The following TTK variants were observed in gnomAD, a reference collection of about 807,000 sequenced individuals.
TTK encodes the protein dual specificity protein kinase TTK.
In TTK, 59 loss-of-function variants were observed where a neutral mutation model predicts 117.3. The observed-to-expected ratio is 0.50, with a 90% CI of 0.41 to 0.62. The LOEUF is 0.62. Among genes scored for constraint, TTK ranks in the 20% least tolerant of loss-of-function variants. TTK has a pLI of 0.00. For synonymous variants in TTK, 302 were observed against 325.0 expected, an observed-to-expected ratio of 0.93 and a Z score of 0.76; for missense variants, 921 against 989.4, an observed-to-expected ratio of 0.93 and a Z score of 0.93.
chr6:80,022,567 G>A, intron 11 of TTK, 95 bp downstream of exon 11: 2 of 1,296,802 alleles, frequency 1.5e-6, no homozygotes, highest in South Asian at 1.5e-5. Flanking sequence ...TATTAAATGT[G>A]TATGATATTT....
In TTK at chr6:80,004,667, G is replaced by GA. The variant is rs577473386; in HGVS notation, c.-49_-48insA. 88 of 152,394 alleles carry GA rather than the reference G, an allele frequency of 5.8e-4. No individual in the cohort carries two copies. Among genetic ancestry groups the GA allele is most frequent in the African/African-American group, 2.0e-3 (83 of 41,600 alleles). 9.4% of individuals were successfully genotyped at this position (152,394 alleles called of 1,614,324 possible). A position where few individuals can be genotyped will look rare whatever the true frequency, so the allele number is the denominator to read the frequency against. ...GGAAATTCAAACGTGTTTGCGGAAAGGAGTTTGGGTTCCATCTTTTCATTT... is the reference window on the plus strand; with the variant it reads ...GGAAATTCAAACGTGTTTGCGGAAAGAGAGTTTGGGTTCCATCTTTTCATTT... On this transcript the variant is annotated 5_prime_UTR_variant, in exon 1 of 22. Coordinates refer to ENST00000369798, the MANE Select transcript of TTK (RefSeq NM_003318.5).
At chr6:80,019,899 A>G (rs1333642978) in intron 10 of TTK, among the ~76,000 whole-genome samples, 2 of 152,202 alleles carry the variant, frequency 1.3e-5, no homozygotes, top group Non-Finnish European at 2.9e-5. Flanking sequence ...GATAATTCTA[A>G]AGACATTTTA....
intron 10 of TTK, among the ~76,000 whole-genome samples, chr6:80,018,516 C>T (rs982938281): frequency 1.3e-5 from 2 of 150,056 alleles, no homozygotes; most frequent in East Asian, 2.0e-4. Flanking sequence ...CCCAGCTAAT[C>T]GGGAAGCTGA....
chr6:80,015,561 A>AC (rs1343518373), intron 10 of TTK, among the ~76,000 whole-genome samples: 1 of 152,154 alleles, frequency 6.6e-6, no homozygotes, highest in Non-Finnish European at 1.5e-5. Flanking sequence ...TCCCAGGCAA[A>AC]CGGGGACACA....
chr6:80,008,169 A>G, intron 3 of TTK, 138 bp downstream of exon 3: 3 of 1,118,930 alleles, frequency 2.7e-6, no homozygotes, highest in Non-Finnish European at 3.7e-6. Flanking sequence ...TATAGTTAAC[A>G]AGAGACTAAT....
intron 14 of TTK, among the ~76,000 whole-genome samples, chr6:80,032,134 A>C (rs1423589989): frequency 6.6e-6 from 1 of 152,202 alleles, no homozygotes; most frequent in Admixed American, 6.5e-5. Context: ...TACTTCCATT[A>C]GATTTTTGCC....
chr6:80,015,555 A>G (rs1023923838), intron 10 of TTK, among the ~76,000 whole-genome samples: 6 of 152,178 alleles, frequency 3.9e-5, no homozygotes, highest in Non-Finnish European at 5.9e-5. Context: ...CCTCAGTCCC[A>G]GGCAAACGGG....
intron 8 of TTK, among the ~76,000 whole-genome samples, chr6:80,012,262 C>T (rs1245721426): frequency 6.6e-6 from 1 of 151,986 alleles, no homozygotes; most frequent in Non-Finnish European, 1.5e-5. Flanking sequence ...TTGTCACTTA[C>T]GGGTAGGCTG....
intron 10 of TTK, among the ~76,000 whole-genome samples, chr6:80,017,653 G>A (rs572924379): frequency 6.6e-6 from 1 of 152,078 alleles, no homozygotes; most frequent in African/African-American, 2.4e-5. Flanking sequence ...GAAAATTCAC[G>A]ACTATTTTGG....
Position 80,011,923 on chromosome 6 carries a change from A to G in TTK, c.839A>G (p.Asn280Ser), listed in dbSNP as rs1361340211. The G allele has an allele frequency of 1.2e-6, 2 of 1,612,610 alleles. No homozygotes were observed. Among genetic ancestry groups the G allele is most frequent in the Non-Finnish European group, 1.7e-6 (2 of 1,179,142 alleles). ...GGAAGAGTCCCAGTTAACCTTCTAA[A>G]TAGCCCAGATTGTGATGTGAAGACA... ...PFGRVPVNLL[N>S]SPDCDVKTDD... The change falls in exon 8 of 22, where the codon AAT becomes AGT. Residue 280 changes from asparagine (N) to serine (S), a missense_variant. By Grantham distance (46) the Asn-to-Ser change is conservative. Coordinates refer to ENST00000369798, the MANE Select transcript of TTK (RefSeq NM_003318.5).
rs1036094009 is a variant in TTK, at chr6:80,007,930, G to T, written c.261G>T (p.Leu87Phe). 2.5e-6 allele frequency: 4 copies of T among 1,613,616 alleles called. No individual in the cohort carries two copies. Among genetic ancestry groups the T allele is most frequent in the Non-Finnish European group, 2.5e-6 (3 of 1,179,676 alleles). ...VPLSDALLNKLIGRYSQAIEA... is the reference protein window; with the variant it reads ...VPLSDALLNKFIGRYSQAIEA... ...TAAGTGATGCTCTTTTAAATAAATT[G>T]ATTGGTCGTTACAGTCAAGCAATTG... is the stretch of plus-strand genomic sequence containing the variant. Residue 87 changes from leucine (L) to phenylalanine (F), a missense_variant, in exon 3 of 22, where the codon TTG becomes TTT. By Grantham distance (22) the Leu-to-Phe change is conservative (BLOSUM62 0). Transcript: ENST00000369798.
chr6:80,024,380 G>C (rs1283002238), intron 11 of TTK, among the ~76,000 whole-genome samples: 1 of 152,156 alleles, frequency 6.6e-6, no homozygotes, highest in Non-Finnish European at 1.5e-5. Flanking sequence ...AATGGATAAA[G>C]AAAATGTGGT....
chr6:80,039,239 A>G (rs968978241), intron 18 of TTK, among the ~76,000 whole-genome samples: 10 of 152,150 alleles, frequency 6.6e-5, no homozygotes, highest in East Asian at 3.9e-4. Flanking sequence ...ATAGTTCTAT[A>G]GTATATGTGC....
intron 2 of TTK, among the ~76,000 whole-genome samples, chr6:80,007,185 A>G (rs1450754182): frequency 2.0e-5 from 3 of 152,310 alleles, no homozygotes; most frequent in Non-Finnish European, 4.4e-5. Context: ...AGACCACGGT[A>G]ACTATGAGTT....
chr6:80,028,056 C>T (rs1472676934), intron 13 of TTK, 45 bp downstream of exon 13: 41 of 1,477,386 alleles, frequency 2.8e-5, no homozygotes, highest in Admixed American at 1.4e-4. Context: ...AGATACAGTC[C>T]GTTTTACAGC....
Position 80,017,643 on chromosome 6 carries a change from G to GAA in TTK, c.1108+3060_1108+3061dup, listed in dbSNP as rs1767345058. 3.9e-5 allele frequency among the ~76,000 whole-genome samples: 6 copies of GAA among 152,202 alleles called. No individual in the cohort carries two copies. In the South Asian group the frequency reaches 1.2e-3, roughly 32 times the overall value. Reference sequence around the variant, plus strand: ...TCAGTGTAAATTTTTCAACTTTGTTGAAAATTCACGACTATTTTGGCTATT... The same window carrying GAA: ...TCAGTGTAAATTTTTCAACTTTGTTGAAAAAATTCACGACTATTTTGGCTATT... On this transcript the variant is annotated intron_variant, in intron 10 of 21. Transcript: ENST00000369798.
chr6:80,007,858 G>T lies in TTK; in HGVS notation c.189G>T (p.Glu63Asp), dbSNP rs775486276. The T allele has an allele frequency of 2.1e-5, 34 of 1,613,176 alleles. No individual in the cohort carries two copies. The highest frequency in any genetic ancestry group is 2.7e-5 in the Non-Finnish European group (32 of 1,179,548). The change falls in exon 3 of 22, where the codon GAG becomes GAT. Residue 63 changes from glutamate to aspartate, a missense_variant. Physicochemically the swap from Glu to Asp is conservative, Grantham distance 45. Transcript: ENST00000369798. ...NQIMMMANNP[E>D]DWLSLLLKLE... Reference sequence around the variant, plus strand: ...TTATGATGATGGCAAACAACCCAGAGGACTGGTTGAGTTTGTTGCTCAAAC... The same window carrying T: ...TTATGATGATGGCAAACAACCCAGATGACTGGTTGAGTTTGTTGCTCAAAC...
rs532939387 is a variant in TTK at position 80,010,947 on chromosome 6, G to A, written c.603G>A (p.Lys201=). 6.2e-7 allele frequency: 1 copy of A among 1,611,554 alleles called. No individual in the cohort carries two copies. Among genetic ancestry groups the A allele is most frequent in the South Asian group, 1.1e-5 (1 of 90,944 alleles). ...KKQLLSEEEK[K]NLSASTVLTA... ...AGCTGCTTTCAGAGGAGGAAAAGAA[G>A]AATTTATCAGGTAACTATTAAGGTA... is the stretch of plus-strand genomic sequence containing the variant. The change falls in exon 5 of 22, where the codon AAG becomes AAA. Residue 201 remains lysine (K), a synonymous_variant. Transcript: ENST00000369798.
chr6:80,040,722 T>C lies in TTK; in HGVS notation c.2490+19T>C. On this transcript the variant is annotated intron_variant, in intron 21 of 21. Transcript: ENST00000369798. The stretch of plus-strand genomic sequence containing the variant: ...TGCTAAAGTAAGTATGTCTATTCTT[T>C]ACATTAATTTTTACTGTTTTATATA... The C allele has an allele frequency of 6.2e-7, 1 of 1,602,578 alleles. No individual in the cohort carries two copies. The highest frequency in any genetic ancestry group is 8.5e-7 in the Non-Finnish European group (1 of 1,174,674).
Sources: allele counts gnomAD v4.1 joint callset (sites outside exome capture counted in the v4.1 genomes callset), GRCh38; gene constraint gnomAD v4.1.1; transcripts MANE v1.5; gene names NCBI Gene and HGNC (gene_info 2026-07-23, HGNC 2026-07-21).